MESD: variants seen among roughly 807,000 people sequenced by gnomAD.
MESD encodes mesoderm development LRP chaperone.
In MESD, 7 loss-of-function variants were observed where a neutral mutation model predicts 12.9. That is an observed-to-expected ratio of 0.54 (90% CI 0.31 to 1.02). MESD has a LOEUF of 1.02. MESD is among the 50% of genes least tolerant of loss of function. The probability of loss-of-function intolerance (pLI) is 0.05; values close to 1 mark genes in which losing one functional copy is unlikely to be tolerated. For missense variants in MESD, 342 were observed against 296.7 expected (o/e 1.15, Z -1.12); for synonymous variants, 126 against 115.6 (o/e 1.09, Z -0.58).
downstream of MESD, among the ~76,000 whole-genome samples, chr15:80,974,600 TA>T (rs201950219): frequency 1.4e-3 from 180 of 132,198 alleles, no homozygotes; most frequent in Non-Finnish European, 1.6e-3. Context: ...GTATCAGAGC[TA>T]AAAAAAAAAA....
intron 3 of MESD, among the ~76,000 whole-genome samples, chr15:80,970,126 C>T (rs1021959231): frequency 1.3e-5 from 2 of 152,186 alleles, no homozygotes; most frequent in South Asian, 4.1e-4. Context: ...ACTGAGCAGT[C>T]TGTTAATTAA....
Position 80,989,784 on chromosome 15 carries a change from G to A in MESD, c.8C>T (p.Ala3Val), listed in dbSNP as rs1300723498. ...CACGGCCTTGCGCGCCCACCTGGAA[G>A]CCGCCATTTTCGCTGCGCCGCGCAG... MA[A>V]SRWARKAVVL... Residue 3 changes from alanine to valine, a missense_variant, in exon 1 of 3, where the codon GCT becomes GTT. Coordinates refer to ENST00000261758, the MANE Select transcript of MESD (RefSeq NM_015154.3). 8.2e-6 allele frequency: 13 copies of A among 1,582,062 alleles called. No individual in the cohort carries two copies. The highest frequency in any genetic ancestry group is 1.8e-5 in the Admixed American group (1 of 56,504).
chr15:80,947,084 G>T (rs747305365), downstream of MESD: 2 of 1,536,320 alleles, frequency 1.3e-6, no homozygotes, highest in Non-Finnish European at 1.8e-6. Context: ...TTGAACTGGG[G>T]TTTAAACTGA....
chr15:80,971,366 T>G (rs1902284590), downstream of MESD, among the ~76,000 whole-genome samples: 1 of 152,204 alleles, frequency 6.6e-6, no homozygotes, highest in African/African-American at 2.4e-5. Context: ...AGACCCCTCC[T>G]TAGAAACTTT....
downstream of MESD, among the ~76,000 whole-genome samples, chr15:80,972,697 C>A (rs1247557056): frequency 1.3e-5 from 2 of 152,172 alleles, no homozygotes; most frequent in African/African-American, 4.8e-5. Flanking sequence ...GCCACTAAAA[C>A]GCTGAACGCA....
intron 2 of MESD, among the ~76,000 whole-genome samples, chr15:80,980,399 G>A (rs575979049): frequency 6.6e-6 from 1 of 152,298 alleles, no homozygotes; most frequent in East Asian, 1.9e-4. Context: ...CCATACTCAA[G>A]TGTGAAAACT....
At chr15:80,986,271 G>A (rs1203499367) in intron 1 of MESD, among the ~76,000 whole-genome samples, 1 of 152,138 alleles carries the variant, frequency 6.6e-6, no homozygotes, top group East Asian at 1.9e-4. Flanking sequence ...GGAAGTGGAG[G>A]GGAGATAGGG....
intron 3 of MESD, among the ~76,000 whole-genome samples, chr15:80,962,406 G>A (rs775552888): frequency 2.6e-5 from 4 of 152,148 alleles, no homozygotes; most frequent in South Asian, 2.1e-4. Context: ...ACTTTAACAC[G>A]CCACTGTCAA....
At chr15:80,971,425 T>G (rs937943984), downstream of MESD, among the ~76,000 whole-genome samples, 1 of 152,192 alleles carries the variant, frequency 6.6e-6, no homozygotes, top group Non-Finnish European at 1.5e-5. Flanking sequence ...GACCTTGGAC[T>G]GCTGAGCCCA....
At chr15:80,980,185 G>C (rs553578296) in intron 2 of MESD, among the ~76,000 whole-genome samples, 30 of 152,274 alleles carry the variant, frequency 2.0e-4, no homozygotes, top group African/African-American at 7.0e-4. Context: ...TTCTGGAGCA[G>C]ACATCACCAA....
At chr15:80,970,261 ACTTTC>A (rs370969152) in intron 3 of MESD, among the ~76,000 whole-genome samples, 1 of 152,294 alleles carries the variant, frequency 6.6e-6, no homozygotes, top group African/African-American at 2.4e-5. Flanking sequence ...TTTTAAATTG[ACTTTC>A]CTTTAGGAGA....
At chr15:80,957,485 T>C (rs1037992433) in intron 3 of MESD, among the ~76,000 whole-genome samples, 5 of 152,192 alleles carry the variant, frequency 3.3e-5, no homozygotes, top group African/African-American at 1.2e-4. Flanking sequence ...CTGTAAACAC[T>C]GGCTGCTTGA....
At chr15:80,947,226 G>C, downstream of MESD, 2 of 615,066 alleles carry the variant, frequency 3.3e-6, no homozygotes, top group Non-Finnish European at 6.0e-6. Flanking sequence ...TACTGGAATG[G>C]ATGGGCAAGA....
intron 3 of MESD, among the ~76,000 whole-genome samples, chr15:80,966,679 A>G (rs939360371): frequency 6.6e-6 from 1 of 152,192 alleles, no homozygotes; most frequent in African/African-American, 2.4e-5. Context: ...TGCTCCAGGA[A>G]GCTTTTCTCT....
rs757245212 is a variant in MESD at position 80,979,482 on chromosome 15, G to A, written c.447-5C>T. On this transcript the variant is annotated splice_region_variant and splice_polypyrimidine_tract_variant and intron_variant, in intron 2 of 2. Coordinates refer to ENST00000261758, the MANE Select transcript of MESD (RefSeq NM_015154.3). ...CGGTCTGATCCCACAATGAACCTTG[G>A]GCAGAGAGATGCAATCAGTCAGCCA... 1 of 1,611,944 alleles carries A rather than the reference G, an allele frequency of 6.2e-7. No individual in the cohort carries two copies. Among genetic ancestry groups the A allele is most frequent in the Admixed American group, 1.7e-5 (1 of 59,946 alleles).
chr15:80,956,584 C>G (rs77337021), intron 3 of MESD, among the ~76,000 whole-genome samples: 1,831 of 151,842 alleles, frequency 0.012, 49 homozygotes, highest in African/African-American at 0.042. Context: ...GTAAGGGGAA[C>G]AGGAAAAAAA....
rs140163208 is a variant in MESD at position 80,962,550 on chromosome 15, G to A, written c.*289-10254C>T. 2.8e-3 allele frequency among the ~76,000 whole-genome samples: 423 copies of A among 152,126 alleles called. 3 individuals are homozygous for A. The highest frequency in any genetic ancestry group is 7.9e-3 in the African/African-American group (329 of 41,500). On this transcript the variant is annotated intron_variant, in intron 3 of 4. Coordinates refer to the MESD transcript ENST00000561312. ...CAGAATATACACTTTTCTCAGCACC[G>A]CATCACACTTATTCTAAAATTGACC... is the stretch of plus-strand genomic sequence containing the variant.
At chr15:80,949,025 C>T in intron 4 of MESD, 1 of 1,515,126 alleles carries the variant, frequency 6.6e-7, no homozygotes, top group Non-Finnish European at 9.1e-7. Flanking sequence ...CTGCCAGCAG[C>T]TGCCTGGGAA....
At chr15:80,950,561 A>G (rs2141773584) in intron 4 of MESD, 1 of 152,310 alleles carries the variant, frequency 6.6e-6, no homozygotes, top group East Asian at 1.9e-4. Context: ...GCAACTCCCC[A>G]TTGGTGCTAC....
Sources: allele counts gnomAD v4.1 joint callset (sites outside exome capture counted in the v4.1 genomes callset), GRCh38; gene constraint gnomAD v4.1.1; transcripts MANE v1.5; gene names NCBI Gene and HGNC (gene_info 2026-07-23, HGNC 2026-07-21).